The following PHLPP1 variants were observed in gnomAD, a reference collection of about 807,000 sequenced individuals.
The protein encoded by PHLPP1 is PH domain and leucine rich repeat protein phosphatase 1.
A neutral mutation model predicts 117.2 loss-of-function variants in PHLPP1; 42 were observed. The ratio of observed to expected loss-of-function variants is 0.36; its 90% CI spans 0.28 to 0.46. The LOEUF (loss-of-function observed/expected upper bound fraction) is 0.46, where lower values mean the gene tolerates loss of function less well. PHLPP1 is among the 20% of genes least tolerant of loss of function. The pLI, the probability that PHLPP1 is intolerant of heterozygous loss-of-function variation, is 1.00. For missense variants in PHLPP1, 2,084 were observed against 2,241.9 expected, an observed-to-expected ratio of 0.93 and a Z score of 1.42; for synonymous variants, 1,042 against 970.7, an observed-to-expected ratio of 1.07 and a Z score of -1.37.
At chr18:62,858,391 TA>T (rs1418149328) in intron 3 of PHLPP1, among the ~76,000 whole-genome samples, 19 of 151,818 alleles carry the variant, frequency 1.3e-4, no homozygotes, top group African/African-American at 4.3e-4. Flanking sequence ...GCCTCCCGAG[TA>T]GCCGGGATTA....
intron 12 of PHLPP1, among the ~76,000 whole-genome samples, chr18:62,952,020 A>C (rs994417941): frequency 6.6e-6 from 1 of 151,788 alleles, no homozygotes; most frequent in Non-Finnish European, 1.5e-5. Flanking sequence ...GGGTTTTGCC[A>C]TGTTAGCCAG....
chr18:62,788,006 C>T (rs1401215403), intron 1 of PHLPP1, among the ~76,000 whole-genome samples: 1 of 152,194 alleles, frequency 6.6e-6, no homozygotes, highest in Non-Finnish European at 1.5e-5. Flanking sequence ...ACCTCAATGG[C>T]ACTGTATTCA....
At position 62,849,830 on chromosome 18, in the gene PHLPP1, A is replaced by ATAT. The variant is rs1465429883; in HGVS notation, c.1900-10605_1900-10604insTAT. Among the ~76,000 whole-genome samples the ATAT allele has an allele frequency of 5.0e-3, 105 of 21,134 alleles. 13 individuals carry two copies. Among genetic ancestry groups the ATAT allele is most frequent in the African/African-American group, 0.014 (74 of 5,418 alleles). The allele number at this position is 21,134 out of a possible 152,430, so 13.9% of individuals were successfully genotyped here. A position where few individuals can be genotyped will look rare whatever the true frequency, so the allele number is the denominator to read the frequency against. On this transcript the variant is annotated intron_variant, in intron 3 of 16. Transcript: ENST00000262719. ...AAAAAAAAAAAAAAAAAAAAAAAAA[A>ATAT]AAATATATATATCCTTTAAAGTTTA...
chr18:62,847,648 A>G (rs923546807), intron 3 of PHLPP1, among the ~76,000 whole-genome samples: 22 of 152,218 alleles, frequency 1.4e-4, no homozygotes, highest in African/African-American at 4.8e-4. Context: ...GCAGTTTTCT[A>G]AAATAATTGT....
Position 62,978,821 on chromosome 18 carries a change from G to T in PHLPP1, c.4544G>T (p.Arg1515Leu), listed in dbSNP as rs185940406. 1.2e-6 allele frequency: 2 copies of T among 1,610,036 alleles called. No homozygotes were observed. Among genetic ancestry groups the T allele is most frequent in the Admixed American group, 1.7e-5 (1 of 59,514 alleles). The part of the protein sequence containing the change: ...ENSPAYPSEQ[R>L]CMLHPICLSN... ...AGCCCTGCCTACCCCAGTGAGCAGC[G>T]CTGCATGCTCCACCCCATCTGTCTG... Residue 1515 changes from arginine (R) to leucine (L), a missense_variant, in exon 17 of 17, where the codon CGC (arginine) becomes CTC (leucine). Arg to Leu is a moderately radical substitution (Grantham distance 102). Coordinates refer to ENST00000262719, the MANE Select transcript of PHLPP1 (RefSeq NM_194449.4). This position sits in a 1 kb window ranked among gnomAD's most constrained non-coding sequence, Gnocchi z 7.0.
At position 62,838,805 on chromosome 18, in the gene PHLPP1, C is replaced by G. The variant is rs1179861210; in HGVS notation, c.1795C>G (p.Gln599Glu). 6.2e-6 allele frequency: 10 copies of G among 1,613,588 alleles called. No homozygotes were observed. The Admixed American group carries it at 1.5e-4, about 24-fold the overall frequency. The change falls in exon 3 of 17, where the codon CAA becomes GAA. Residue 599 changes from glutamine (Q) to glutamate (E), a missense_variant. This residue lies in a region of PHLPP1 where 1,365 missense variants were observed against 1,605.9 expected (regional missense o/e 0.85). Coordinates refer to ENST00000262719, the MANE Select transcript of PHLPP1 (RefSeq NM_194449.4). ...GGKVEEVKKH[Q>E]HCLAFSSSGP... The stretch of plus-strand genomic sequence containing the variant: ...ATAGGTAGAAGAAGTGAAAAAGCAC[C>G]AACACTGTTTAGCATTTAGCTCCTC...
chr18:62,944,662 T>C (rs551944), intron 11 of PHLPP1, among the ~76,000 whole-genome samples: 77,784 of 151,976 alleles, frequency 0.51, 20,108 homozygotes, highest in East Asian at 0.67. Flanking sequence ...TATCTTAATA[T>C]GAACTATAGA....
At chr18:62,900,564 C>A (rs1394067569) in intron 6 of PHLPP1, among the ~76,000 whole-genome samples, 1 of 147,316 alleles carries the variant, frequency 6.8e-6, no homozygotes, top group Non-Finnish European at 1.5e-5. Context: ...CTCCTGGGTT[C>A]GAGTGATCTT....
At chr18:62,896,139 A>G (rs1916557839) in intron 6 of PHLPP1, 128 bp downstream of exon 6, 1 of 621,854 alleles carries the variant, frequency 1.6e-6, no homozygotes, top group Admixed American at 2.9e-5. Context: ...ATTTCTGCCT[A>G]GAGGGAAGAA....
chr18:62,788,982 A>G (rs926969978), intron 1 of PHLPP1, among the ~76,000 whole-genome samples: 3 of 152,214 alleles, frequency 2.0e-5, no homozygotes, highest in Non-Finnish European at 2.9e-5. Context: ...TTAACGTGCA[A>G]TGGAAGTGGC....
chr18:62,771,448 A>G (rs1332437365), intron 1 of PHLPP1, among the ~76,000 whole-genome samples: 4 of 152,236 alleles, frequency 2.6e-5, no homozygotes, highest in Non-Finnish European at 5.9e-5. Flanking sequence ...GCAGAAAAGC[A>G]TCAACAGAAT....
rs553146037 is a variant in PHLPP1 at position 62,810,171 on chromosome 18, A to T, written c.1577-19864A>T. Among the ~76,000 whole-genome samples the T allele has an allele frequency of 7.2e-5, 11 of 152,342 alleles. No homozygotes were observed. In the East Asian group the frequency reaches 2.1e-3, roughly 29 times the overall value. On this transcript the variant is annotated intron_variant, in intron 1 of 16. Coordinates refer to ENST00000262719, the MANE Select transcript of PHLPP1 (RefSeq NM_194449.4). The stretch of plus-strand genomic sequence containing the variant: ...AGAAATTGCCCTACTACAGACAAAA[A>T]TCACTGTGTCCTTTGTGTATCTATA...
At chr18:62,864,201 T>C (rs1915710932) in intron 4 of PHLPP1, among the ~76,000 whole-genome samples, 1 of 152,004 alleles carries the variant, frequency 6.6e-6, no homozygotes, top group Non-Finnish European at 1.5e-5. Context: ...TTTGTATTTT[T>C]AGTAGAGGTG....
At position 62,856,119 on chromosome 18, in the gene PHLPP1, C is replaced by T. The variant is rs1426170385; in HGVS notation, c.1900-4316C>T. 2.6e-5 allele frequency among the ~76,000 whole-genome samples: 4 copies of T among 152,276 alleles called. No individual in the cohort carries two copies. In the East Asian group the frequency reaches 5.8e-4, roughly 22 times the overall value. On this transcript the variant is annotated intron_variant, in intron 3 of 16. Coordinates refer to ENST00000262719, the MANE Select transcript of PHLPP1 (RefSeq NM_194449.4). ...GATCAAAACCTGCCAACACGGAGGG[C>T]TGAGTGTACTATGGCATTTTATGTC...
chr18:62,945,625 A>G (rs1599135300), intron 12 of PHLPP1, among the ~76,000 whole-genome samples: 1 of 152,284 alleles, frequency 6.6e-6, no homozygotes, highest in East Asian at 1.9e-4. Flanking sequence ...CGCTGGTGTA[A>G]TCGCAGTTTG....
At chr18:62,736,262 C>T (rs879401822) in intron 1 of PHLPP1, among the ~76,000 whole-genome samples, 1 of 152,176 alleles carries the variant, frequency 6.6e-6, no homozygotes, top group Non-Finnish European at 1.5e-5. Context: ...CAGGCCCCAC[C>T]TCAGACTTAC....
chr18:62,851,508 T>A (rs1431255248), intron 3 of PHLPP1, among the ~76,000 whole-genome samples: 1 of 152,176 alleles, frequency 6.6e-6, no homozygotes. Context: ...TCGCCTAGGC[T>A]GGAGTGCAGT....
intron 2 of PHLPP1, among the ~76,000 whole-genome samples, chr18:62,831,675 A>G (rs767203794): frequency 2.6e-5 from 4 of 152,070 alleles, no homozygotes; most frequent in African/African-American, 4.8e-5. Flanking sequence ...TAAATGTCTG[A>G]TCTGTTTCAA....
intron 1 of PHLPP1, among the ~76,000 whole-genome samples, chr18:62,806,257 A>G (rs1199089531): frequency 6.6e-6 from 1 of 152,162 alleles, no homozygotes; most frequent in Non-Finnish European, 1.5e-5. Context: ...AAAAACAGCA[A>G]TTTCTATTAC....
Sources: gnomAD v4.1 joint callset for allele counts (sites outside exome capture counted in the v4.1 genomes callset) on GRCh38, gnomAD v4.1.1 for gene constraint, gnomAD v4.1.1 regional missense constraint, Gnocchi (gnomAD v3.1) non-coding constraint, MANE v1.5 for transcripts, NCBI Gene and HGNC (gene_info 2026-07-23, HGNC 2026-07-21) for gene names.